CACNA2D3: variants seen among roughly 807,000 people sequenced by gnomAD.
CACNA2D3 encodes the protein calcium voltage-gated channel auxiliary subunit alpha2delta 3, also known as voltage-dependent calcium channel subunit alpha-2/delta-3.
A neutral mutation model predicts 160.6 loss-of-function variants in CACNA2D3; 60 were observed. The ratio of observed to expected loss-of-function variants is 0.37; its 90% CI spans 0.30 to 0.46. The LOEUF is 0.46. Among genes scored for constraint, CACNA2D3 ranks in the 20% least tolerant of loss-of-function variants. The pLI is 1.00. For synonymous variants in CACNA2D3, 558 were observed against 492.9 expected, an observed-to-expected ratio of 1.13 and a Z score of -1.75; for missense variants, 1,205 against 1,365.0, an observed-to-expected ratio of 0.88 and a Z score of 1.85.
chr3:54,700,461 A>G (rs183287962), intron 11 of CACNA2D3, among the ~76,000 whole-genome samples: 72 of 152,332 alleles, frequency 4.7e-4, no homozygotes, highest in Admixed American at 4.5e-3. Flanking sequence ...CCAAATTTCA[A>G]GTGTTTTAAT....
At chr3:55,006,547 G>C (rs1703099138) in intron 32 of CACNA2D3, among the ~76,000 whole-genome samples, 1 of 152,204 alleles carries the variant, frequency 6.6e-6, no homozygotes. Flanking sequence ...GTGGTTTCAG[G>C]AAACTGTTAA....
At chr3:54,388,996 A>T (rs1322669333) in intron 4 of CACNA2D3, among the ~76,000 whole-genome samples, 2 of 145,738 alleles carry the variant, frequency 1.4e-5, no homozygotes, top group African/African-American at 5.0e-5. Context: ...AAATAAACAG[A>T]TAGATAGATT....
At chr3:54,711,911 C>T (rs552587447) in intron 11 of CACNA2D3, among the ~76,000 whole-genome samples, 1 of 152,324 alleles carries the variant, frequency 6.6e-6, no homozygotes, top group African/African-American at 2.4e-5. Flanking sequence ...CCCTCCCTCC[C>T]TTCCCTTTAA....
intron 13 of CACNA2D3, among the ~76,000 whole-genome samples, chr3:54,789,004 C>A (rs1001383862): frequency 6.6e-6 from 1 of 151,828 alleles, no homozygotes; most frequent in South Asian, 2.1e-4. Context: ...ATTGAGCGGC[C>A]AAAAATAATG....
At chr3:55,034,665 A>G (rs1013421655) in intron 35 of CACNA2D3, among the ~76,000 whole-genome samples, 29 of 152,068 alleles carry the variant, frequency 1.9e-4, no homozygotes, top group African/African-American at 6.5e-4. Flanking sequence ...ACAATATTAT[A>G]AATACTATTT....
intron 4 of CACNA2D3, among the ~76,000 whole-genome samples, chr3:54,416,128 A>G (rs1048546771): frequency 2.0e-5 from 3 of 152,334 alleles, no homozygotes; most frequent in Middle Eastern, 3.4e-3. Flanking sequence ...AATTGGATCT[A>G]TTCTCCACAT....
At chr3:54,479,602 G>T (rs1700899678) in intron 4 of CACNA2D3, among the ~76,000 whole-genome samples, 1 of 152,080 alleles carries the variant, frequency 6.6e-6, no homozygotes, top group Admixed American at 6.5e-5. Context: ...CTTGGCAGTG[G>T]CTCCCACCTT....
intron 18 of CACNA2D3, among the ~76,000 whole-genome samples, chr3:54,873,389 A>T (rs1482341315): frequency 3.3e-5 from 5 of 151,232 alleles, no homozygotes; most frequent in South Asian, 4.2e-4. Flanking sequence ...CTGTTGATTT[A>T]TTTTTTTTGT....
intron 11 of CACNA2D3, among the ~76,000 whole-genome samples, chr3:54,668,016 G>T (rs529885738): frequency 2.7e-4 from 41 of 151,832 alleles, no homozygotes; most frequent in Admixed American, 1.2e-3. Context: ...ATGGCAAGCA[G>T]AATTGAGAAA....
In CACNA2D3 at chr3:54,984,622, C is replaced by T. The variant is rs1702576638; in HGVS notation, c.2571C>T (p.Tyr857=). Residue 857 remains tyrosine, a synonymous_variant, in exon 30 of 38, where the codon TAC becomes TAT. Transcript: ENST00000474759. The stretch of plus-strand genomic sequence containing the variant: ...TAATTTTCTAGACTGTGAATTGTTA[C>T]CTCATAGACAATAATGGATTTATTT... ...ISCDDETVNC[Y]LIDNNGFILV... is the part of the protein sequence containing the mutation. The T allele has an allele frequency of 1.3e-6, 2 of 1,548,070 alleles. No individual in the cohort carries two copies. The highest frequency in any genetic ancestry group is 1.8e-6 in the Non-Finnish European group (2 of 1,140,788).
chr3:54,725,743 G>T (rs1315907164), intron 11 of CACNA2D3, among the ~76,000 whole-genome samples: 2 of 152,032 alleles, frequency 1.3e-5, no homozygotes, highest in Non-Finnish European at 2.9e-5. Context: ...TAATAAACTG[G>T]GTATCAATAG....
chr3:54,421,908 G>A (rs1699841362), intron 4 of CACNA2D3, among the ~76,000 whole-genome samples: 1 of 152,054 alleles, frequency 6.6e-6, no homozygotes, highest in Non-Finnish European at 1.5e-5. Flanking sequence ...GTTTCCAACA[G>A]CAGGTGGGCA....
intron 9 of CACNA2D3, among the ~76,000 whole-genome samples, chr3:54,623,270 C>T (rs1699030754): frequency 6.6e-6 from 1 of 152,192 alleles, no homozygotes; most frequent in Non-Finnish European, 1.5e-5. Context: ...TGTGCACCTC[C>T]CGTGCGGTGG....
chr3:54,577,626 A>G (rs1302208444), intron 8 of CACNA2D3, among the ~76,000 whole-genome samples: 2 of 138,468 alleles, frequency 1.4e-5, no homozygotes, highest in Non-Finnish European at 3.3e-5. Context: ...TCACACTCAC[A>G]TATATATTTT....
intron 3 of CACNA2D3, 21 bp from the exon 4 acceptor site, chr3:54,386,694 G>GT (rs62967361): frequency 0.11 from 155,430 of 1,370,560 alleles, 323 homozygotes; most frequent in South Asian, 0.13. Context: ...GCTGTCTTCT[G>GT]TTTTTTTTTT....
intron 11 of CACNA2D3, among the ~76,000 whole-genome samples, chr3:54,689,891 C>T (rs1384902131): frequency 1.3e-5 from 2 of 152,146 alleles, no homozygotes; most frequent in Non-Finnish European, 2.9e-5. Flanking sequence ...CTCCTCTGCT[C>T]AGTCCTCTGG....
intron 34 of CACNA2D3, among the ~76,000 whole-genome samples, chr3:55,016,103 T>C (rs1431607620): frequency 6.6e-6 from 1 of 152,212 alleles, no homozygotes; most frequent in Non-Finnish European, 1.5e-5. Flanking sequence ...TCCAATGAGC[T>C]AGCATCTTGG....
At chr3:55,000,390 C>G (rs1353750553) in intron 31 of CACNA2D3, among the ~76,000 whole-genome samples, 1 of 152,108 alleles carries the variant, frequency 6.6e-6, no homozygotes, top group Non-Finnish European at 1.5e-5. Flanking sequence ...GGAAAGCCTC[C>G]TTTTGAAATA....
At chr3:54,309,871 A>T (rs949823371) in intron 2 of CACNA2D3, among the ~76,000 whole-genome samples, 1 of 151,934 alleles carries the variant, frequency 6.6e-6, no homozygotes, top group Non-Finnish European at 1.5e-5. Context: ...TCCATTTGCC[A>T]CATTGAGCCC....
Sources: allele counts gnomAD v4.1 joint callset (sites outside exome capture counted in the v4.1 genomes callset), GRCh38; gene constraint gnomAD v4.1.1; transcripts MANE v1.5; gene names NCBI Gene and HGNC (gene_info 2026-07-23, HGNC 2026-07-21).